DHX29: variants seen among roughly 807,000 people sequenced by gnomAD.
The protein encoded by DHX29 is DExH-box helicase 29.
A neutral mutation model predicts 167.9 loss-of-function variants in DHX29; 79 were observed. The observed-to-expected ratio is 0.47, with a 90% CI of 0.39 to 0.57. The LOEUF (loss-of-function observed/expected upper bound fraction) is 0.57. Ranked by LOEUF, DHX29 falls within the 20% of genes least tolerant of loss-of-function variation. The pLI, the probability that DHX29 is intolerant of heterozygous loss-of-function variation, is 0.00. For missense variants in DHX29, 1,347 were observed against 1,593.4 expected, an observed-to-expected ratio of 0.85 and a Z score of 2.63; for synonymous variants, 530 against 546.0, an observed-to-expected ratio of 0.97 and a Z score of 0.41.
Position 55,297,287 on chromosome 5 carries a change from G to C in DHX29, c.373C>G (p.Gln125Glu), listed in dbSNP as rs1249364866. 6.6e-7 allele frequency: 1 copy of C among 1,518,230 alleles called. No individual in the cohort carries two copies. Among genetic ancestry groups the C allele is most frequent in the Admixed American group, 1.7e-5 (1 of 58,674 alleles). The allele number at this position is 1,518,230 out of a possible 1,614,324, so 94.0% of individuals were successfully genotyped here. A position where few individuals can be genotyped will look rare whatever the true frequency, so the allele number is the denominator to read the frequency against. Residue 125 changes from glutamine to glutamate, a missense_variant and splice_region_variant, in exon 3 of 27, where the codon CAG becomes GAG. This residue lies in a region of DHX29 where 405 missense variants were observed against 416.8 expected (regional missense o/e 0.97). Transcript: ENST00000251636. ...ACTTTAAAAAGTTTGCAAAATACCT[G>C]CAATTTTTTGGCAGTAAGTCTTCCA... ...ISGRLTAKKL[Q>E]DLYMALQAFS...
At chr5:55,280,673 A>C (rs1278638380) in intron 12 of DHX29, among the ~76,000 whole-genome samples, 2 of 152,186 alleles carry the variant, frequency 1.3e-5, no homozygotes, top group Admixed American at 1.3e-4. Flanking sequence ...TTATAAAATT[A>C]ATCAAGGAAG....
intron 3 of DHX29, 70 bp from the exon 4 acceptor site, chr5:55,296,419 T>G (rs997078410): frequency 6.8e-7 from 1 of 1,472,138 alleles, no homozygotes; most frequent in South Asian, 1.5e-5. Context: ...ATTATCCCAT[T>G]CATTTTAAAC....
At chr5:55,275,858 G>A (rs1417775730) in intron 14 of DHX29, among the ~76,000 whole-genome samples, 1 of 152,032 alleles carries the variant, frequency 6.6e-6, no homozygotes, top group East Asian at 1.9e-4. Flanking sequence ...CCAGGACAGA[G>A]GCTAAGAAAA....
chr5:55,292,208 C>G (rs1213214979), intron 6 of DHX29, among the ~76,000 whole-genome samples: 3 of 152,126 alleles, frequency 2.0e-5, no homozygotes, highest in Admixed American at 2.0e-4. Flanking sequence ...TTTTTGACAG[C>G]TGACATCCTA....
At position 55,277,301 on chromosome 5, in the gene DHX29, TA is replaced by T. The variant is rs1475006055; in HGVS notation, c.2110-20del. On this transcript the variant is annotated intron_variant, in intron 12 of 26. Coordinates refer to ENST00000251636, the MANE Select transcript of DHX29 (RefSeq NM_019030.4). ...CATGAACCTAGTTTTAAAAAGGGAA[TA>T]AAAAAGTTCATCATATATTGTATAA... 6.5e-7 allele frequency: 1 copy of T among 1,544,064 alleles called. No individual in the cohort carries two copies. Among genetic ancestry groups the T allele is most frequent in the Non-Finnish European group, 8.8e-7 (1 of 1,132,056 alleles).
chr5:55,294,044 A>G lies in DHX29; in HGVS notation c.753T>C (p.Ser251=), dbSNP rs750786063. 2 of 1,608,344 alleles carry G rather than the reference A, an allele frequency of 1.2e-6. No homozygotes were observed. The highest frequency in any genetic ancestry group is 1.7e-6 in the Non-Finnish European group (2 of 1,178,272). The change falls in exon 6 of 27, where the codon AGT becomes AGC. Residue 251 remains serine (S), a synonymous_variant. Transcript: ENST00000251636. ...NEEEKNENSK[S]LEEEEKFDPN... ...GGTCAAATTTTTCCTCCTCTTCTAA[A>G]CTTTTAGAATTCTCATTCTTTTCTT...
Position 55,270,710 on chromosome 5 carries a change from A to C in DHX29, c.2865-4T>G. 1.2e-6 allele frequency: 2 copies of C among 1,608,842 alleles called. No individual in the cohort carries two copies. Among genetic ancestry groups the C allele is most frequent in the Non-Finnish European group, 8.5e-7 (1 of 1,175,438 alleles). Reference sequence around the variant, plus strand: ...CATCTGACTGCTTTCATGGTACCTAAAGAAATGTTTTAGGAGAGAATATGT... The same window carrying C: ...CATCTGACTGCTTTCATGGTACCTACAGAAATGTTTTAGGAGAGAATATGT... On this transcript the variant is annotated splice_region_variant and splice_polypyrimidine_tract_variant and intron_variant, in intron 18 of 26. Coordinates refer to ENST00000251636, the MANE Select transcript of DHX29 (RefSeq NM_019030.4).
At chr5:55,289,933 T>C (rs1747949874) in intron 7 of DHX29, among the ~76,000 whole-genome samples, 1 of 152,220 alleles carries the variant, frequency 6.6e-6, no homozygotes, top group Admixed American at 6.5e-5. Flanking sequence ...TTATCTGAAA[T>C]TTACAGTATC....
In DHX29 at chr5:55,296,328, C is replaced by T; in HGVS notation, c.397G>A (p.Ala133Thr). The T allele has an allele frequency of 6.2e-7, 1 of 1,612,950 alleles. No individual in the cohort carries two copies. Among genetic ancestry groups the T allele is most frequent in the Non-Finnish European group, 8.5e-7 (1 of 1,179,470 alleles). ...KLQDLYMALQ[A>T]FSFKTKDIED... ...ATGTCCTTTGTCTTAAATGAAAATG[C>T]TTGTAAAGCCATGTATAAATCCTAT... The change falls in exon 4 of 27, where the codon GCA becomes ACA. Residue 133 changes from alanine to threonine, a missense_variant. By Grantham distance (58) the Ala-to-Thr change is moderately conservative. This residue lies in a region of DHX29 where 405 missense variants were observed against 416.8 expected (regional missense o/e 0.97). Coordinates refer to ENST00000251636, the MANE Select transcript of DHX29 (RefSeq NM_019030.4).
intron 14 of DHX29, 133 bp from the exon 15 acceptor site, chr5:55,275,143 A>C (rs1747044208): frequency 1.9e-6 from 2 of 1,034,014 alleles, no homozygotes; most frequent in Non-Finnish European, 2.8e-6. Flanking sequence ...TATTTTGTTA[A>C]AATACAGGAA....
At chr5:55,294,720 C>T (rs1748224056) in intron 5 of DHX29, 1 of 152,580 alleles carries the variant, frequency 6.6e-6, no homozygotes, top group Non-Finnish European at 1.5e-5. Context: ...TCCTTAAAAA[C>T]AGTGGTTTTA....
intron 6 of DHX29, among the ~76,000 whole-genome samples, chr5:55,292,433 T>G (rs13167364): frequency 6.6e-6 from 1 of 152,078 alleles, no homozygotes; most frequent in African/African-American, 2.4e-5. Context: ...ACCTTTATTA[T>G]CTCACACCTG....
At chr5:55,295,263 T>A in intron 5 of DHX29, 116 bp downstream of exon 5, 1 of 789,978 alleles carries the variant, frequency 1.3e-6, no homozygotes, top group East Asian at 2.6e-5. Context: ...AGCAAACCAA[T>A]TAGTTATTTG....
chr5:55,286,152 G>A (rs1050083363), intron 8 of DHX29, among the ~76,000 whole-genome samples: 3 of 151,934 alleles, frequency 2.0e-5, no homozygotes, highest in African/African-American at 7.3e-5. Context: ...TACTCGGGAG[G>A]CTGAGGCAGG....
chr5:55,269,154 G>C (rs921631993), intron 21 of DHX29, among the ~76,000 whole-genome samples: 3 of 149,994 alleles, frequency 2.0e-5, no homozygotes, highest in African/African-American at 7.4e-5. Flanking sequence ...ACTGAGGCAT[G>C]AATTACTTGA....
chr5:55,263,580 G>C (rs77023221), intron 23 of DHX29, among the ~76,000 whole-genome samples: 2,287 of 151,846 alleles, frequency 0.015, 71 homozygotes, highest in African/African-American at 0.053. Context: ...TTTGATTCTA[G>C]GAGAGAAAAG....
In DHX29 at chr5:55,307,607, A is replaced by T; in HGVS notation, c.-34T>A. 6.2e-7 allele frequency: 1 copy of T among 1,609,994 alleles called. No homozygotes were observed. Among genetic ancestry groups the T allele is most frequent in the Non-Finnish European group, 8.5e-7 (1 of 1,179,410 alleles). On this transcript the variant is annotated 5_prime_UTR_variant, in exon 1 of 27. Transcript: ENST00000251636. ...TGTGGCAGAAGATCCTTCGCGGCCC[A>T]GGCCCCGACGGTACCACTGCACAGC...
Position 55,296,262 on chromosome 5 carries a change from G to C in DHX29, c.463C>G (p.Leu155Val), listed in dbSNP as rs775687343. The C allele has an allele frequency of 6.2e-7, 1 of 1,613,320 alleles. No homozygotes were observed. The highest frequency in any genetic ancestry group is 1.1e-5 in the South Asian group (1 of 90,974). Residue 155 changes from leucine (L) to valine (V), a missense_variant, in exon 4 of 27, where the codon CTT (leucine) becomes GTT (valine). Around this residue, in one of 3 missense-constraint regions of DHX29, gnomAD observed 405 missense variants for 416.8 expected, o/e 0.97. Transcript: ENST00000251636. ...CAGAGCCAATCCAAGGCAGAATGAA[G>C]GTCACCTCCATATAAGAGTGTATTG... ...MTNTLLYGGDLHSALDWLCLN... is the reference protein window; with the variant it reads ...MTNTLLYGGDVHSALDWLCLN...
At chr5:55,279,098 TTAGAGACTTTTGTAG>T (rs1331243332) in intron 12 of DHX29, among the ~76,000 whole-genome samples, 1 of 152,218 alleles carries the variant, frequency 6.6e-6, no homozygotes, top group African/African-American at 2.4e-5. Context: ...GTTTAATTCA[TTAGAGACTTTTGTAG>T]TAGTTAAAGA....
Sources: gnomAD v4.1 joint callset for allele counts (sites outside exome capture counted in the v4.1 genomes callset) on GRCh38, gnomAD v4.1.1 for gene constraint, gnomAD v4.1.1 regional missense constraint, MANE v1.5 for transcripts, NCBI Gene and HGNC (gene_info 2026-07-23, HGNC 2026-07-21) for gene names.